Variants in FCN2 observed in about 807,000 individuals in gnomAD.
FCN2 encodes ficolin 2, also known as ficolin-2.
In FCN2, 31 loss-of-function variants were observed where a neutral mutation model predicts 32.5. That is an observed-to-expected ratio of 0.96 (90% CI 0.72 to 1.29). The LOEUF is 1.29. FCN2 is among the 50% of genes most tolerant of loss of function. FCN2 has a pLI of 0.00. For missense variants in FCN2, 412 were observed against 406.5 expected (o/e 1.01, Z -0.12); for synonymous variants, 181 against 164.5 (o/e 1.10, Z -0.77).
the FCN2 span, among the ~76,000 whole-genome samples, chr9:134,867,994 A>T: frequency 1.3e-5 from 2 of 152,202 alleles, no homozygotes; most frequent in African/African-American, 2.4e-5. Context: ...TACTATCCCC[A>T]CTTGGCAGCC....
chr9:134,885,953 C>T, intron 6 of FCN2, 56 bp downstream of exon 6: 1 of 1,549,662 alleles, frequency 6.5e-7, no homozygotes, highest in East Asian at 2.2e-5. Context: ...GTGCCCCTGC[C>T]TCTTGGGCCT....
At position 134,886,559 on chromosome 9, in the gene FCN2, G is replaced by C; in HGVS notation, c.689G>C (p.Ser230Thr). ...GTCCTGGGGGCCTTCGTGGAGGGCA[G>C]TGCGGGTGAGTGTCTGCTTGGGGCT... ...NLVLGAFVEG[S>T]AGDSLTFHNN... is the part of the protein sequence containing the mutation. The change falls in exon 7 of 8, where the codon AGT (serine) becomes ACT (threonine). Residue 230 changes from serine to threonine, a missense_variant. Coordinates refer to ENST00000291744, the MANE Select transcript of FCN2 (RefSeq NM_004108.3). 6.2e-7 allele frequency: 1 copy of C among 1,614,128 alleles called. No homozygotes were observed. The highest frequency in any genetic ancestry group is 2.2e-5 in the East Asian group (1 of 44,874).
the FCN2 span, among the ~76,000 whole-genome samples, chr9:134,864,540 G>A: frequency 2.0e-5 from 3 of 152,172 alleles, no homozygotes; most frequent in African/African-American, 4.8e-5. Flanking sequence ...TAAGAACCAC[G>A]GAGTTCCTTC....
the FCN2 span, among the ~76,000 whole-genome samples, chr9:134,872,494 A>G: frequency 1.3e-5 from 2 of 152,208 alleles, no homozygotes; most frequent in Non-Finnish European, 2.9e-5. Context: ...GCCCGTTCTC[A>G]CACTGCTCGT....
intron 7 of FCN2, 71 bp from the exon 8 acceptor site, chr9:134,887,097 A>C: frequency 6.4e-7 from 1 of 1,566,342 alleles, no homozygotes; most frequent in Non-Finnish European, 8.8e-7. Context: ...GCCAGGCCTC[A>C]GGTATAAAGA....
chr9:134,885,491 G>A (rs886947366), intron 5 of FCN2, 125 bp downstream of exon 5: 20 of 1,461,774 alleles, frequency 1.4e-5, no homozygotes, highest in South Asian at 2.6e-5. Flanking sequence ...AGATGATGGG[G>A]GAGATGACCG....
intron 3 of FCN2, among the ~76,000 whole-genome samples, chr9:134,884,135 A>T (rs1830708725): frequency 6.6e-6 from 1 of 152,112 alleles, no homozygotes; most frequent in African/African-American, 2.4e-5. Context: ...AGTTCCAAAC[A>T]CAGAATTAGT....
Position 134,882,655 on chromosome 9 carries a change from G to A in FCN2, c.214+16G>A, listed in dbSNP as rs774612357. Reference sequence around the variant, plus strand: ...GGAAAGAGAGGTAGGTGCAGGCATGGCTGGGGGCACTGGCTCTTGCTCTTT... The same window carrying A: ...GGAAAGAGAGGTAGGTGCAGGCATGACTGGGGGCACTGGCTCTTGCTCTTT... On this transcript the variant is annotated intron_variant, in intron 2 of 7. Coordinates refer to ENST00000291744, the MANE Select transcript of FCN2 (RefSeq NM_004108.3). 1.3e-6 allele frequency: 2 copies of A among 1,551,496 alleles called. No individual in the cohort carries two copies. The highest frequency in any genetic ancestry group is 2.7e-5 in the African/African-American group (2 of 73,718).
chr9:134,879,948 C>A (rs1371730797), upstream of FCN2, among the ~76,000 whole-genome samples: 1 of 152,118 alleles, frequency 6.6e-6, no homozygotes, highest in South Asian at 2.1e-4. Flanking sequence ...CTGTCTCTAA[C>A]CTGGCTCAGT....
intron 1 of FCN2, among the ~76,000 whole-genome samples, chr9:134,881,404 T>C (rs1351366532): frequency 6.6e-6 from 1 of 152,154 alleles, no homozygotes; most frequent in African/African-American, 2.4e-5. Context: ...GAGATGGCAG[T>C]TCCCATGGTG....
At chr9:134,881,531 T>A (rs925859034) in intron 1 of FCN2, among the ~76,000 whole-genome samples, 6 of 152,004 alleles carry the variant, frequency 3.9e-5, no homozygotes, top group Non-Finnish European at 8.8e-5. Flanking sequence ...CGAGGGCAGG[T>A]TGAAAATGCA....
chr9:134,874,082 T>C, the FCN2 span, among the ~76,000 whole-genome samples: 1,366 of 152,138 alleles, frequency 9.0e-3, 22 homozygotes, highest in African/African-American at 0.031. Flanking sequence ...ACGCGGCTAA[T>C]TTTTTGTATT....
chr9:134,881,471 G>A (rs541673072), intron 1 of FCN2, among the ~76,000 whole-genome samples: 4 of 152,180 alleles, frequency 2.6e-5, no homozygotes, highest in South Asian at 2.1e-4. Context: ...GACCTCCTTC[G>A]GGGCTCCCGA....
At chr9:134,872,243 C>T in the FCN2 span, among the ~76,000 whole-genome samples, 1 of 151,700 alleles carries the variant, frequency 6.6e-6, no homozygotes, top group Non-Finnish European at 1.5e-5. Flanking sequence ...AGTCGTACCC[C>T]GTGGATGGAT....
chr9:134,865,719 C>A, the FCN2 span, among the ~76,000 whole-genome samples: 1 of 152,132 alleles, frequency 6.6e-6, no homozygotes, highest in Non-Finnish European at 1.5e-5. Context: ...TCTTAGAGCA[C>A]CCTTAGCAGG....
At chr9:134,872,906 G>A in the FCN2 span, among the ~76,000 whole-genome samples, 1 of 152,194 alleles carries the variant, frequency 6.6e-6, no homozygotes, top group African/African-American at 2.4e-5. Context: ...CAGTGCAAGA[G>A]AAGCGGGTCC....
chr9:134,880,927 G>A lies in FCN2; in HGVS notation c.100+6G>A. 2 of 1,600,290 alleles carry A rather than the reference G, an allele frequency of 1.2e-6. No individual in the cohort carries two copies. The highest frequency in any genetic ancestry group is 1.7e-6 in the Non-Finnish European group (2 of 1,169,296). On this transcript the variant is annotated splice_donor_region_variant and intron_variant, in intron 1 of 7. Coordinates refer to ENST00000291744, the MANE Select transcript of FCN2 (RefSeq NM_004108.3). Reference sequence around the variant, plus strand: ...GGCGGCAGACACCTGTCCAGGTAAGGGCACTCCAGGGCCTCCTCCTGGAAA... The same window carrying A: ...GGCGGCAGACACCTGTCCAGGTAAGAGCACTCCAGGGCCTCCTCCTGGAAA...
At chr9:134,883,736 G>A (rs1297607788) in intron 3 of FCN2, among the ~76,000 whole-genome samples, 7 of 149,172 alleles carry the variant, frequency 4.7e-5, no homozygotes, top group Admixed American at 4.7e-4. Context: ...TGGGCAGGCT[G>A]TGGGGAGGTG....
chr9:134,878,369 C>T (rs1419982476), upstream of FCN2, among the ~76,000 whole-genome samples: 2 of 152,130 alleles, frequency 1.3e-5, no homozygotes, highest in Non-Finnish European at 2.9e-5. Context: ...AGCCTCCTTG[C>T]CCGTAACAAG....
Sources: gnomAD v4.1 joint callset for allele counts (sites outside exome capture counted in the v4.1 genomes callset) on GRCh38, gnomAD v4.1.1 for gene constraint, MANE v1.5 for transcripts, NCBI Gene and HGNC (gene_info 2026-07-23, HGNC 2026-07-21) for gene names.